Variants in ACSM4 observed in about 807,000 individuals in gnomAD.
ACSM4 encodes the protein acyl-coenzyme A synthetase ACSM4, mitochondrial.
Under a neutral mutation model 73.0 loss-of-function variants are expected in ACSM4, and 66 were observed. The ratio of observed to expected loss-of-function variants is 0.90; its 90% CI spans 0.74 to 1.11. The LOEUF (loss-of-function observed/expected upper bound fraction) is 1.11, where lower values mean the gene tolerates loss of function less well. Ranked by LOEUF, ACSM4 falls within the 50% of genes least tolerant of loss-of-function variation. The pLI, the probability that ACSM4 is intolerant of heterozygous loss-of-function variation, is 0.00. For missense variants in ACSM4, 645 were observed against 714.4 expected, an observed-to-expected ratio of 0.90 and a Z score of 1.11; for synonymous variants, 222 against 254.0, an observed-to-expected ratio of 0.87 and a Z score of 1.20.
chr12:7,319,525 G>A (rs190878587), intron 5 of ACSM4, among the ~76,000 whole-genome samples: 3 of 149,842 alleles, frequency 2.0e-5, no homozygotes, highest in South Asian at 2.1e-4. Context: ...GGGAGGCAGA[G>A]GTTGCAGTGA....
intron 1 of ACSM4, among the ~76,000 whole-genome samples, 153 bp from the exon 2 acceptor site, chr12:7,306,380 T>C (rs1946362219): frequency 1.3e-5 from 2 of 152,134 alleles, no homozygotes; most frequent in South Asian, 2.1e-4. Context: ...CTGTGTTCAA[T>C]AGGAGAGGGG....
At chr12:7,312,803 TA>T (rs1323872211) in intron 3 of ACSM4, among the ~76,000 whole-genome samples, 1 of 152,210 alleles carries the variant, frequency 6.6e-6, no homozygotes, top group Admixed American at 6.5e-5. Flanking sequence ...CTAGTAATTA[TA>T]ACTGCTATCA....
intron 6 of ACSM4, among the ~76,000 whole-genome samples, chr12:7,321,749 C>T (rs1946465492): frequency 6.6e-6 from 1 of 152,202 alleles, no homozygotes; most frequent in Non-Finnish European, 1.5e-5. Flanking sequence ...GCTCCAAAGT[C>T]AAACAGGCAG....
chr12:7,316,571 A>C (rs1368434677), intron 3 of ACSM4, among the ~76,000 whole-genome samples: 1 of 152,212 alleles, frequency 6.6e-6, no homozygotes, highest in Non-Finnish European at 1.5e-5. Flanking sequence ...GTCTCCCCTG[A>C]AGCACTTGAT....
intron 2 of ACSM4, among the ~76,000 whole-genome samples, chr12:7,307,651 T>G (rs1355103050): frequency 6.6e-6 from 1 of 152,242 alleles, no homozygotes; most frequent in East Asian, 1.9e-4. Flanking sequence ...AACAGGATTT[T>G]GTTCCACTCT....
Position 7,328,552 on chromosome 12 carries a change from A to C in ACSM4, c.*179A>C, listed in dbSNP as rs938782803. The C allele has an allele frequency of 2.6e-6, 1 of 390,406 alleles. No individual in the cohort carries two copies. Among genetic ancestry groups the C allele is most frequent in the South Asian group, 3.1e-5 (1 of 32,238 alleles). 24.2% of individuals were successfully genotyped at this position (390,406 alleles called of 1,614,324 possible). A position where few individuals can be genotyped will look rare whatever the true frequency, so the allele number is the denominator to read the frequency against. ...TTTAAAAGTAAATAAAAGCCTCAAA[A>C]ACGTATGGATGAAAATTGTTATAAT... On this transcript the variant is annotated 3_prime_UTR_variant, in exon 13 of 13. Transcript: ENST00000399422.
At chr12:7,314,675 G>A (rs1027019021) in intron 3 of ACSM4, among the ~76,000 whole-genome samples, 2 of 152,012 alleles carry the variant, frequency 1.3e-5, no homozygotes, top group East Asian at 1.9e-4. Context: ...TCTATCAAAA[G>A]GTTTCCATAC....
At chr12:7,325,227 T>C (rs1946495099) in intron 11 of ACSM4, among the ~76,000 whole-genome samples, 1 of 152,234 alleles carries the variant, frequency 6.6e-6, no homozygotes, top group Admixed American at 6.5e-5. Flanking sequence ...GTTAGGGTAA[T>C]ACTCCATAGG....
chr12:7,326,559 A>T lies in ACSM4; in HGVS notation c.1537-417A>T, dbSNP rs114479092. Among the ~76,000 whole-genome samples, 339 of 152,032 alleles carry T rather than the reference A, an allele frequency of 2.2e-3. 2 individuals are homozygous for T. Among genetic ancestry groups the T allele is most frequent in the African/African-American group, 8.0e-3 (330 of 41,414 alleles). ...GATACACAGTCCTTCCTCCGTTGAG[A>T]CCCTCCAAACTGCTTTGAAACCACA... On this transcript the variant is annotated intron_variant, in intron 11 of 12. Transcript: ENST00000399422.
chr12:7,314,967 A>C (rs1438421581), intron 3 of ACSM4, among the ~76,000 whole-genome samples: 4 of 151,988 alleles, frequency 2.6e-5, no homozygotes, highest in African/African-American at 9.7e-5. Context: ...ATCCCAAGGC[A>C]GGCAGATCAC....
At chr12:7,314,375 T>G (rs1306942689) in intron 3 of ACSM4, among the ~76,000 whole-genome samples, 6 of 152,168 alleles carry the variant, frequency 3.9e-5, no homozygotes, top group Non-Finnish European at 8.8e-5. Flanking sequence ...TAGTATATAA[T>G]TAGCTCTGAA....
intron 11 of ACSM4, among the ~76,000 whole-genome samples, chr12:7,326,398 T>G (rs764134842): frequency 6.6e-6 from 1 of 152,176 alleles, no homozygotes; most frequent in East Asian, 1.9e-4. Flanking sequence ...TTTGTAGAGA[T>G]GGGGTCTCAC....
chr12:7,309,569 T>G (rs924107199), intron 2 of ACSM4, among the ~76,000 whole-genome samples: 1 of 152,178 alleles, frequency 6.6e-6, no homozygotes, highest in African/African-American at 2.4e-5. Flanking sequence ...TTTTTAATAT[T>G]ATTTTAAAAA....
At position 7,304,760 on chromosome 12, in the gene ACSM4, G is replaced by A. The variant is rs138199118; in HGVS notation, c.201+228G>A. ...TTCTCTATCTCCCATCCCCATGGTC[G>A]TTCCTCACAGAGTTCTGCCTCTTTT... is the stretch of plus-strand genomic sequence containing the variant. On this transcript the variant is annotated intron_variant, in intron 1 of 12. Transcript: ENST00000399422. 2.2e-3 allele frequency among the ~76,000 whole-genome samples: 335 copies of A among 152,312 alleles called. 1 individual carries two copies. The highest frequency in any genetic ancestry group is 7.3e-3 in the African/African-American group (304 of 41,562).
At chr12:7,316,077 C>G (rs1423598043) in intron 3 of ACSM4, among the ~76,000 whole-genome samples, 1 of 152,148 alleles carries the variant, frequency 6.6e-6, no homozygotes, top group African/African-American at 2.4e-5. Flanking sequence ...AGAGAGAGGA[C>G]ATAAGTCTGC....
chr12:7,319,491 T>TGAGGCAGAGAATTGCTTGAATCTGG (rs1946443975), intron 5 of ACSM4, among the ~76,000 whole-genome samples: 2 of 150,602 alleles, frequency 1.3e-5, no homozygotes, highest in Non-Finnish European at 2.9e-5. Context: ...CTTGGGAGGC[T>TGAGGCAGAGAATTGCTTGAATCTGG]GAGGCAGAGA....
chr12:7,323,314 G>A lies in ACSM4; in HGVS notation c.1206G>A (p.Gln402=). ...AAGGAATGCTGCCCTATGATGTCCA[G>A]GTAGGTTGAGAAAATATCTGACTGG... The part of the protein sequence containing the change: ...MGKGMLPYDV[Q]IIDENGNVLP... Residue 402 remains glutamine (Q), a splice_region_variant and synonymous_variant, in exon 8 of 13, where the codon CAG becomes CAA. Transcript: ENST00000399422. 1 of 1,609,856 alleles carries A rather than the reference G, an allele frequency of 6.2e-7. No homozygotes were observed. The highest frequency in any genetic ancestry group is 1.1e-5 in the South Asian group (1 of 89,890).
chr12:7,319,276 G>A (rs1042245969), intron 5 of ACSM4, among the ~76,000 whole-genome samples: 20 of 152,088 alleles, frequency 1.3e-4, no homozygotes, highest in African/African-American at 4.1e-4. Flanking sequence ...GACAGGAGGC[G>A]GAGCTCAGGT....
intron 9 of ACSM4, among the ~76,000 whole-genome samples, chr12:7,323,797 T>TG (rs1946482768): frequency 6.6e-6 from 1 of 152,100 alleles, no homozygotes; most frequent in African/African-American, 2.4e-5. Flanking sequence ...AGGGTGCAGT[T>TG]GGGGGGTGCT....
Sources: allele counts gnomAD v4.1 joint callset (sites outside exome capture counted in the v4.1 genomes callset), GRCh38; gene constraint gnomAD v4.1.1; transcripts MANE v1.5; gene names NCBI Gene and HGNC (gene_info 2026-07-23, HGNC 2026-07-21).